The following LAMB4 variants were observed in gnomAD, a reference collection of about 807,000 sequenced individuals.
LAMB4 encodes laminin subunit beta-4.
Under a neutral mutation model 199.2 loss-of-function variants are expected in LAMB4, and 196 were observed. The observed-to-expected ratio is 0.98, with a 90% CI of 0.88 to 1.11. The LOEUF (loss-of-function observed/expected upper bound fraction) is 1.11, where lower values mean the gene tolerates loss of function less well. LAMB4 is among the 50% of genes least tolerant of loss of function. The probability of loss-of-function intolerance (pLI) is 0.00; values close to 1 mark genes in which losing one functional copy is unlikely to be tolerated. For missense variants in LAMB4, 2,080 were observed against 2,171.2 expected, an observed-to-expected ratio of 0.96 and a Z score of 0.83; for synonymous variants, 744 against 770.6, an observed-to-expected ratio of 0.97 and a Z score of 0.57.
At chr7:108,035,912 G>A (rs144837938) in intron 30 of LAMB4, among the ~76,000 whole-genome samples, 71 of 150,812 alleles carry the variant, frequency 4.7e-4, no homozygotes, top group Non-Finnish European at 9.0e-4. Context: ...AGAGTTCAGT[G>A]GTGCAGTCTC....
rs373625944 is a variant in LAMB4 at position 108,068,115 on chromosome 7, G to T, written c.2347C>A (p.Arg783=). ...TTACACTGGCACTGGCCTCCAAGTC[G>T]GCTGCAGCTGGATCCGACTGAGCCC... ...PQGSVGSSCS[R]LGGQCQCKPL... The change falls in exon 19 of 34, where the codon CGA becomes AGA. Residue 783 remains arginine (R), a synonymous_variant. Coordinates refer to ENST00000388781, the MANE Select transcript of LAMB4 (RefSeq NM_007356.3). 5.6e-6 allele frequency: 9 copies of T among 1,614,020 alleles called. No homozygotes were observed. The African/African-American group carries it at 6.7e-5, about 12-fold the overall frequency.
intron 6 of LAMB4, among the ~76,000 whole-genome samples, chr7:108,107,204 C>A (rs780447069): frequency 6.6e-6 from 1 of 152,134 alleles, no homozygotes; most frequent in African/African-American, 2.4e-5. Context: ...CCTGTTCAAT[C>A]CCACTCACTC....
chr7:108,061,347 T>C (rs977795567), intron 23 of LAMB4, among the ~76,000 whole-genome samples: 20 of 152,194 alleles, frequency 1.3e-4, no homozygotes, highest in African/African-American at 4.1e-4. Flanking sequence ...ATATAAGGTG[T>C]TAATAATAGA....
chr7:108,056,256 G>A (rs556929285), intron 24 of LAMB4, among the ~76,000 whole-genome samples: 24 of 152,294 alleles, frequency 1.6e-4, no homozygotes, highest in Middle Eastern at 3.4e-3. Flanking sequence ...TATTGTGTGA[G>A]TGCAAGCATC....
intron 10 of LAMB4, among the ~76,000 whole-genome samples, chr7:108,102,592 A>G (rs2037852109): frequency 6.6e-6 from 1 of 152,202 alleles, no homozygotes; most frequent in African/African-American, 2.4e-5. Flanking sequence ...ATTATTCCCT[A>G]TTATTTTGTA....
In LAMB4 at chr7:108,055,482, C is replaced by T. The variant is rs569907246; in HGVS notation, c.3755+150G>A. 3.6e-5 allele frequency: 32 copies of T among 877,514 alleles called. No homozygotes were observed. The African/African-American group carries it at 3.9e-4, about 11-fold the overall frequency. 54.4% of individuals were successfully genotyped at this position (877,514 alleles called of 1,614,324 possible). On this transcript the variant is annotated intron_variant, in intron 25 of 33. Coordinates refer to ENST00000388781, the MANE Select transcript of LAMB4 (RefSeq NM_007356.3). ...GATTACAAGCGTGAGCTATGGCGCC[C>T]GGCCCAGCCTGGTTATTAACTGAAC...
rs1185557542 is a variant in LAMB4, at chr7:108,123,554, T to G, written c.-33-357A>C. ...TAATACATACTTATTATAGAAAAAGTAGAATATTCAGACAGGCAAAATGAA... is the reference window on the plus strand; with the variant it reads ...TAATACATACTTATTATAGAAAAAGGAGAATATTCAGACAGGCAAAATGAA... On this transcript the variant is annotated intron_variant, in intron 1 of 33. Coordinates refer to ENST00000388781, the MANE Select transcript of LAMB4 (RefSeq NM_007356.3). Among the ~76,000 whole-genome samples, 6 of 152,166 alleles carry G rather than the reference T, an allele frequency of 3.9e-5. No individual in the cohort carries two copies. The East Asian group carries it at 1.2e-3, about 29-fold the overall frequency.
intron 2 of LAMB4, among the ~76,000 whole-genome samples, chr7:108,118,944 A>G (rs1016327279): frequency 7.9e-5 from 12 of 152,220 alleles, no homozygotes; most frequent in African/African-American, 2.9e-4. Flanking sequence ...AAAACTCAAC[A>G]TTAAAAAAGC....
At chr7:108,125,003 G>T (rs1237227275) in intron 1 of LAMB4, among the ~76,000 whole-genome samples, 2 of 152,132 alleles carry the variant, frequency 1.3e-5, no homozygotes, top group African/African-American at 4.8e-5. Flanking sequence ...CTGTGATTCA[G>T]GCTCTTTATG....
intron 21 of LAMB4, 100 bp from the exon 22 acceptor site, chr7:108,064,085 G>T: frequency 1.2e-6 from 1 of 809,498 alleles, no homozygotes; most frequent in Non-Finnish European, 2.1e-6. Context: ...GCTCCTCTAG[G>T]AATAATGAGA....
chr7:108,067,974 G>A (rs1368447332), intron 19 of LAMB4, 42 bp downstream of exon 19: 2 of 1,613,128 alleles, frequency 1.2e-6, no homozygotes, highest in Non-Finnish European at 8.5e-7. Context: ...AAAATGTCAA[G>A]ACTGTGAGCA....
intron 20 of LAMB4, among the ~76,000 whole-genome samples, chr7:108,066,144 A>T (rs1411121079): frequency 6.6e-6 from 1 of 152,212 alleles, no homozygotes; most frequent in East Asian, 1.9e-4. Context: ...CATTTGAGGA[A>T]CATAGAAAGT....
chr7:108,113,760 C>T (rs2038312652), intron 3 of LAMB4, among the ~76,000 whole-genome samples: 1 of 152,120 alleles, frequency 6.6e-6, no homozygotes, highest in Admixed American at 6.5e-5. Flanking sequence ...ATGTGAGTTC[C>T]ATCTTGGATA....
chr7:108,085,273 T>C (rs1041359803), intron 14 of LAMB4, among the ~76,000 whole-genome samples: 1 of 152,200 alleles, frequency 6.6e-6, no homozygotes, highest in African/African-American at 2.4e-5. Flanking sequence ...AAGAATGAAA[T>C]ACATATGTAT....
rs2034748338 is a variant in LAMB4, at chr7:108,023,988, G to C, written c.*51C>G. ...AGGTTCAACAGAGCCCCAGGGGCTT[G>C]TACATCAGAAACCAGAAACAAAGGC... On this transcript the variant is annotated 3_prime_UTR_variant, in exon 34 of 34. Transcript: ENST00000388781. 6.6e-7 allele frequency: 1 copy of C among 1,526,000 alleles called. No homozygotes were observed. The highest frequency in any genetic ancestry group is 1.4e-5 in the African/African-American group (1 of 71,154). The allele number at this position is 1,526,000 out of a possible 1,614,324, so 94.5% of individuals were successfully genotyped here.
At chr7:108,058,103 T>C (rs1043000473) in intron 23 of LAMB4, among the ~76,000 whole-genome samples, 175 bp from the exon 24 acceptor site, 1 of 152,186 alleles carries the variant, frequency 6.6e-6, no homozygotes, top group Non-Finnish European at 1.5e-5. Context: ...GATCAGGAGT[T>C]AATGTGCTTT....
rs186114805 is a variant in LAMB4 at position 108,079,961 on chromosome 7, T to G, written c.1702-175A>C. ...CAGTCCAGAATCCAGCTGAGAATAA[T>G]GTGCTAATACTGCAGCTTTGGAACA... On this transcript the variant is annotated intron_variant, in intron 14 of 33. Transcript: ENST00000388781. Among the ~76,000 whole-genome samples the G allele has an allele frequency of 3.2e-3, 480 of 152,326 alleles. 2 individuals carry two copies. Among genetic ancestry groups the G allele is most frequent in the African/African-American group, 0.011 (469 of 41,568 alleles).
intron 1 of LAMB4, among the ~76,000 whole-genome samples, chr7:108,128,927 G>A (rs988892206): frequency 3.3e-5 from 5 of 152,152 alleles, no homozygotes; most frequent in Admixed American, 2.6e-4. Context: ...ATGTATAAAC[G>A]TATTTCCAAA....
intron 29 of LAMB4, 26 bp from the exon 30 acceptor site, chr7:108,037,621 T>G: frequency 6.5e-7 from 1 of 1,539,220 alleles, no homozygotes; most frequent in Non-Finnish European, 9.0e-7. Flanking sequence ...GGGTTTTAGG[T>G]AATCATGTCT....
Sources: allele counts gnomAD v4.1 joint callset (sites outside exome capture counted in the v4.1 genomes callset), GRCh38; gene constraint gnomAD v4.1.1; transcripts MANE v1.5; gene names NCBI Gene and HGNC (gene_info 2026-07-23, HGNC 2026-07-21).